The following SARNP variants were observed in gnomAD, a reference collection of about 807,000 sequenced individuals.
SARNP encodes the protein SAP domain-containing ribonucleoprotein.
Under a neutral mutation model 38.1 loss-of-function variants are expected in SARNP, and 5 were observed. The observed-to-expected ratio is 0.13, with a 90% confidence interval of 0.07 to 0.28. The LOEUF is 0.28. SARNP is among the 10% of genes least tolerant of loss of function. The pLI is 1.00. For synonymous variants in SARNP, 84 were observed against 80.6 expected (o/e 1.04, Z -0.23); for missense variants, 180 against 243.9 (o/e 0.74, Z 1.75).
intron 1 of SARNP, among the ~76,000 whole-genome samples, chr12:55,808,757 C>T (rs1385215869): frequency 1.3e-5 from 2 of 150,200 alleles, no homozygotes; most frequent in Non-Finnish European, 3.0e-5. Flanking sequence ...CAATACCTGG[C>T]CTCAAAAGAA....
At chr12:55,760,097 GTCTAACAGAC>G (rs1190604257) in intron 10 of SARNP, among the ~76,000 whole-genome samples, 3 of 152,170 alleles carry the variant, frequency 2.0e-5, no homozygotes, top group Non-Finnish European at 4.4e-5. Context: ...TTTGCCACTA[GTCTAACAGAC>G]TCTAACACTG....
intron 9 of SARNP, among the ~76,000 whole-genome samples, chr12:55,768,163 G>A (rs1399087479): frequency 6.6e-6 from 1 of 151,924 alleles, no homozygotes; most frequent in Non-Finnish European, 1.5e-5. Flanking sequence ...GTCTCACTCT[G>A]TCACCAGGCT....
chr12:55,814,323 TAGAA>T (rs1880419805), intron 1 of SARNP, among the ~76,000 whole-genome samples: 1 of 152,202 alleles, frequency 6.6e-6, no homozygotes, highest in Non-Finnish European at 1.5e-5. Flanking sequence ...TTACATAACT[TAGAA>T]AGCCCTTTTC....
intron 9 of SARNP, among the ~76,000 whole-genome samples, chr12:55,781,319 AAGTCAGGAGTTCG>A (rs1879333222): frequency 6.6e-6 from 1 of 151,948 alleles, no homozygotes; most frequent in Non-Finnish European, 1.5e-5. Flanking sequence ...GCAGATCACA[AAGTCAGGAGTTCG>A]AGACCAGCCT....
downstream of SARNP, chr12:55,752,995 G>A (rs535243034): frequency 6.6e-6 from 1 of 152,312 alleles, no homozygotes; most frequent in South Asian, 2.1e-4. Flanking sequence ...TGGGGTCCTG[G>A]AGCAAGACAG....
intron 7 of SARNP, among the ~76,000 whole-genome samples, chr12:55,790,825 A>T (rs1251491135): frequency 6.6e-6 from 1 of 152,220 alleles, no homozygotes; most frequent in Non-Finnish European, 1.5e-5. Flanking sequence ...GTTACATATG[A>T]TCCCACAATT....
At chr12:55,782,579 T>A (rs1417542650) in intron 9 of SARNP, among the ~76,000 whole-genome samples, 1 of 152,104 alleles carries the variant, frequency 6.6e-6, no homozygotes, top group East Asian at 1.9e-4. Flanking sequence ...TCCCACTCTT[T>A]TCTTTCTTTT....
intron 8 of SARNP, among the ~76,000 whole-genome samples, chr12:55,789,902 C>T (rs557715569): frequency 9.1e-4 from 135 of 148,812 alleles, no homozygotes; most frequent in Non-Finnish European, 1.6e-3. Flanking sequence ...TGAGATCGCA[C>T]CACTGCACTC....
At chr12:55,780,588 T>C (rs968628703) in intron 9 of SARNP, among the ~76,000 whole-genome samples, 2 of 152,026 alleles carry the variant, frequency 1.3e-5, no homozygotes, top group African/African-American at 4.8e-5. Flanking sequence ...GAGAATCACT[T>C]GAACCCGGGA....
chr12:55,771,866 C>A (rs893020308), intron 9 of SARNP, among the ~76,000 whole-genome samples: 2 of 152,064 alleles, frequency 1.3e-5, no homozygotes, highest in African/African-American at 2.4e-5. Flanking sequence ...GGCTTTCAGG[C>A]GATGGTAGAT....
chr12:55,764,690 T>G (rs1878774434), intron 9 of SARNP, among the ~76,000 whole-genome samples: 1 of 147,754 alleles, frequency 6.8e-6, no homozygotes, highest in Non-Finnish European at 1.5e-5. Context: ...ATACAAAAAT[T>G]AGCTGGGTGT....
intron 9 of SARNP, among the ~76,000 whole-genome samples, chr12:55,764,577 C>T (rs905842864): frequency 2.0e-5 from 3 of 150,632 alleles, no homozygotes; most frequent in Non-Finnish European, 3.0e-5. Flanking sequence ...TGGCTCACAC[C>T]GGTAATCCCA....
At chr12:55,810,842 C>T (rs942342221) in intron 1 of SARNP, among the ~76,000 whole-genome samples, 1 of 149,540 alleles carries the variant, frequency 6.7e-6, no homozygotes, top group Non-Finnish European at 1.5e-5. Flanking sequence ...TTTGGGAGTC[C>T]GAGGCGGGCG....
At chr12:55,762,206 G>A (rs1878697243) in intron 9 of SARNP, among the ~76,000 whole-genome samples, 1 of 152,074 alleles carries the variant, frequency 6.6e-6, no homozygotes, top group South Asian at 2.1e-4. Flanking sequence ...AAAATAGCTT[G>A]AACCCAGGAG....
chr12:55,814,771 A>T (rs963842133), intron 1 of SARNP, among the ~76,000 whole-genome samples: 1 of 151,964 alleles, frequency 6.6e-6, no homozygotes, highest in African/African-American at 2.4e-5. Flanking sequence ...CGGGAAGCTG[A>T]GGCACGGGAA....
At chr12:55,785,175 C>G (rs972633132) in intron 9 of SARNP, among the ~76,000 whole-genome samples, 12 of 152,146 alleles carry the variant, frequency 7.9e-5, no homozygotes, top group African/African-American at 2.7e-4. Context: ...AGATGCACTA[C>G]TCTAGCACAT....
intron 8 of SARNP, among the ~76,000 whole-genome samples, chr12:55,789,920 G>A (rs1333092976): frequency 6.8e-6 from 1 of 147,218 alleles, no homozygotes; most frequent in Non-Finnish European, 1.5e-5. Flanking sequence ...CTCCAGCCTG[G>A]GCAAAAGAAT....
intron 1 of SARNP, among the ~76,000 whole-genome samples, chr12:55,813,477 G>C (rs1367537223): frequency 2.0e-5 from 3 of 151,928 alleles, no homozygotes; most frequent in Non-Finnish European, 4.4e-5. Context: ...TCTAGGTTGA[G>C]GTAAGAGGGA....
intron 9 of SARNP, among the ~76,000 whole-genome samples, chr12:55,782,841 T>C (rs1184195267): frequency 1.3e-5 from 2 of 152,348 alleles, no homozygotes; most frequent in South Asian, 2.1e-4. Flanking sequence ...CCAGCCGCAA[T>C]GGCTCATGGC....
Sources: gnomAD v4.1 joint callset for allele counts (sites outside exome capture counted in the v4.1 genomes callset) on GRCh38, gnomAD v4.1.1 for gene constraint, MANE v1.5 for transcripts, NCBI Gene and HGNC (gene_info 2026-07-23, HGNC 2026-07-21) for gene names.